The following CDH2 variants were observed in gnomAD, a reference collection of about 807,000 sequenced individuals.
CDH2 encodes cadherin-2.
In CDH2, 17 loss-of-function variants were observed where a neutral mutation model predicts 92.0. The ratio of observed to expected loss-of-function variants is 0.18; its 90% CI spans 0.13 to 0.28. The LOEUF (loss-of-function observed/expected upper bound fraction) is 0.28. Ranked by LOEUF, CDH2 falls within the 10% of genes least tolerant of loss-of-function variation. CDH2 has a pLI of 1.00. For missense variants in CDH2, 862 were observed against 1,133.1 expected (o/e 0.76, Z 3.44); for synonymous variants, 419 against 415.9 (o/e 1.01, Z -0.09).
At chr18:28,044,456 T>C (rs1410866691) in intron 2 of CDH2, among the ~76,000 whole-genome samples, 1 of 152,162 alleles carries the variant, frequency 6.6e-6, no homozygotes, top group Non-Finnish European at 1.5e-5. Flanking sequence ...CACTGATCCA[T>C]TCCCCTTTTC....
chr18:28,015,065 A>C (rs2013205248), intron 2 of CDH2, among the ~76,000 whole-genome samples: 1 of 152,120 alleles, frequency 6.6e-6, no homozygotes, highest in African/African-American at 2.4e-5. Flanking sequence ...ATAATCAAAT[A>C]CACCTTGTGC....
intron 8 of CDH2, among the ~76,000 whole-genome samples, chr18:27,993,088 T>G (rs953543630): frequency 3.9e-5 from 6 of 152,170 alleles, no homozygotes; most frequent in Non-Finnish European, 8.8e-5. Context: ...CAGCATCCAT[T>G]TGTGAGTCTC....
intron 2 of CDH2, among the ~76,000 whole-genome samples, chr18:28,095,251 G>A (rs1490849609): frequency 6.6e-6 from 1 of 152,014 alleles, no homozygotes; most frequent in Non-Finnish European, 1.5e-5. Flanking sequence ...GCCAAGGAGT[G>A]ACTGCACTGC....
chr18:28,001,488 TG>T (rs762711358), intron 7 of CDH2, among the ~76,000 whole-genome samples: 1 of 152,218 alleles, frequency 6.6e-6, no homozygotes, highest in Non-Finnish European at 1.5e-5. Context: ...GAAAGAATAC[TG>T]AAAATTACCC....
intron 8 of CDH2, 24 bp downstream of exon 8, chr18:27,993,476 G>A: frequency 6.2e-7 from 1 of 1,605,232 alleles, no homozygotes; most frequent in Non-Finnish European, 8.5e-7. Flanking sequence ...ACCCAAAGTT[G>A]TGTGAGTGAC....
intron 1 of CDH2, among the ~76,000 whole-genome samples, chr18:28,172,184 G>A (rs952848503): frequency 6.6e-6 from 1 of 151,976 alleles, no homozygotes; most frequent in African/African-American, 2.4e-5. Context: ...GTACCAAAGA[G>A]TGAGCGACAA....
At chr18:28,030,339 CT>C (rs1415466039) in intron 2 of CDH2, among the ~76,000 whole-genome samples, 1 of 151,792 alleles carries the variant, frequency 6.6e-6, no homozygotes, top group Non-Finnish European at 1.5e-5. Context: ...AAAAAAAGGA[CT>C]TTTTTAAAAA....
intron 2 of CDH2, among the ~76,000 whole-genome samples, chr18:28,119,965 G>A (rs547056039): frequency 1.3e-4 from 20 of 152,134 alleles, no homozygotes; most frequent in African/African-American, 3.9e-4. Context: ...TGAAGGAATC[G>A]GGATCCCTGG....
At chr18:28,103,188 A>T (rs1206888685) in intron 2 of CDH2, among the ~76,000 whole-genome samples, 10 of 145,556 alleles carry the variant, frequency 6.9e-5, no homozygotes, top group Non-Finnish European at 1.2e-4. Context: ...TATATATATA[A>T]AAACTCCTTT....
At chr18:28,106,854 C>T (rs1455302253) in intron 2 of CDH2, among the ~76,000 whole-genome samples, 1 of 151,874 alleles carries the variant, frequency 6.6e-6, no homozygotes, top group African/African-American at 2.4e-5. Flanking sequence ...TACAGTTTAC[C>T]TAGTTACACA....
chr18:28,027,411 A>C (rs2013582626), intron 2 of CDH2, among the ~76,000 whole-genome samples: 1 of 152,128 alleles, frequency 6.6e-6, no homozygotes, highest in Non-Finnish European at 1.5e-5. Flanking sequence ...GTCTATTAGG[A>C]GCTGCTATTT....
At chr18:27,952,462 T>A (rs1909508733) in intron 15 of CDH2, 103 bp from the exon 16 acceptor site, 1 of 857,118 alleles carries the variant, frequency 1.2e-6, no homozygotes, top group Non-Finnish European at 1.9e-6. Context: ...CAAACACTTG[T>A]TTGTAAATTT....
At chr18:28,032,913 G>C (rs949617057) in intron 2 of CDH2, among the ~76,000 whole-genome samples, 2 of 152,064 alleles carry the variant, frequency 1.3e-5, no homozygotes, top group Non-Finnish European at 2.9e-5. Context: ...TGAGTATAGA[G>C]ATAGACATGG....
chr18:28,011,803 T>C (rs1319463556), intron 4 of CDH2, 43 bp downstream of exon 4: 7 of 1,575,594 alleles, frequency 4.4e-6, no homozygotes, highest in Non-Finnish European at 6.1e-6. Context: ...TTAACATACA[T>C]TTGTCTTGTG....
At chr18:27,969,754 C>T (rs142051185) in intron 14 of CDH2, among the ~76,000 whole-genome samples, 2,774 of 152,288 alleles carry the variant, frequency 0.018, 83 homozygotes, top group African/African-American at 0.063. Context: ...CGGCGGCTCA[C>T]GCCTGTAATC....
At chr18:28,112,961 A>C (rs2015436141) in intron 2 of CDH2, among the ~76,000 whole-genome samples, 1 of 152,184 alleles carries the variant, frequency 6.6e-6, no homozygotes, top group Non-Finnish European at 1.5e-5. Flanking sequence ...AAGAAAAAAT[A>C]AATCAACTTT....
intron 7 of CDH2, among the ~76,000 whole-genome samples, chr18:27,998,375 A>T (rs1472835880): frequency 6.6e-6 from 1 of 152,192 alleles, no homozygotes; most frequent in Non-Finnish European, 1.5e-5. Context: ...CCCATTTTAC[A>T]GATGAGGAAA....
intron 2 of CDH2, among the ~76,000 whole-genome samples, chr18:28,054,392 G>C (rs11564302): frequency 0.051 from 7,692 of 152,210 alleles, 675 homozygotes; most frequent in African/African-American, 0.18. Flanking sequence ...CAGGAACAAT[G>C]ACATGCATTT....
intron 2 of CDH2, among the ~76,000 whole-genome samples, chr18:28,052,880 A>G (rs149311333): frequency 5.7e-4 from 87 of 152,268 alleles, no homozygotes; most frequent in Non-Finnish European, 9.7e-4. Context: ...TTAAAATCTT[A>G]ACTCCTCAGT....
Sources: allele counts gnomAD v4.1 joint callset (sites outside exome capture counted in the v4.1 genomes callset), GRCh38; gene constraint gnomAD v4.1.1; transcripts MANE v1.5; gene names NCBI Gene and HGNC (gene_info 2026-07-23, HGNC 2026-07-21).